Variants in RNF169 observed in about 807,000 individuals in gnomAD.
The protein encoded by RNF169 is E3 ubiquitin-protein ligase RNF169.
RNF169 carries 24 observed loss-of-function variants against 53.9 expected under a neutral mutation model. The observed-to-expected ratio is 0.45, with a 90% CI of 0.32 to 0.63. The LOEUF is 0.63. Ranked by LOEUF, RNF169 falls within the 20% of genes least tolerant of loss-of-function variation. RNF169 has a pLI of 0.04. For synonymous variants in RNF169, 396 were observed against 363.5 expected (o/e 1.09, Z -1.02); for missense variants, 883 against 906.2 (o/e 0.97, Z 0.33).
Position 74,836,707 on chromosome 11 carries a change from A to C in RNF169, c.2104A>C (p.Ser702Arg), listed in dbSNP as rs2036263235. ...GSVDQYLLRS[S>R]NMAGAK ...TGTGGATCAGTATCTCCTACGGTCC[A>C]GCAACATGGCCGGGGCCAAGTAGCA... Residue 702 changes from serine (S) to arginine (R), a missense_variant, in exon 6 of 6, where the codon AGC (serine) becomes CGC (arginine). By Grantham distance (110) the Ser-to-Arg change is moderately radical. Around this residue, in one of 3 missense-constraint regions of RNF169, gnomAD observed 351 missense variants for 337.3 expected, o/e 1.04. Coordinates refer to ENST00000299563, the MANE Select transcript of RNF169 (RefSeq NM_001098638.2). 6.2e-7 allele frequency: 1 copy of C among 1,611,026 alleles called. No individual in the cohort carries two copies. Among genetic ancestry groups the C allele is most frequent in the Non-Finnish European group, 8.5e-7 (1 of 1,179,304 alleles).
At chr11:74,816,838 T>C (rs1297587301) in intron 3 of RNF169, among the ~76,000 whole-genome samples, 1 of 152,138 alleles carries the variant, frequency 6.6e-6, no homozygotes, top group Non-Finnish European at 1.5e-5. Context: ...TTTGTGAAGG[T>C]TGTAGTATCA....
At chr11:74,805,882 A>G (rs1280089543) in intron 2 of RNF169, among the ~76,000 whole-genome samples, 1 of 152,050 alleles carries the variant, frequency 6.6e-6, no homozygotes, top group Non-Finnish European at 1.5e-5. Context: ...CAGGTTTTGC[A>G]GGGCCTACTC....
At chr11:74,785,250 GTTAGATATATATGTTATATATA>G (rs1273286492) in intron 1 of RNF169, among the ~76,000 whole-genome samples, 46 of 72,052 alleles carry the variant, frequency 6.4e-4, no homozygotes, top group East Asian at 1.9e-3. Context: ...TGTTATATAT[GTTAGATATATATGTTATATATA>G]TTAGATATAT....
At chr11:74,812,283 A>G (rs1287506633) in intron 3 of RNF169, among the ~76,000 whole-genome samples, 2 of 151,732 alleles carry the variant, frequency 1.3e-5, no homozygotes, top group East Asian at 1.9e-4. Flanking sequence ...GTTTTCTTAT[A>G]TAGTTTTTTT....
At chr11:74,790,610 C>A (rs549587299) in intron 2 of RNF169, among the ~76,000 whole-genome samples, 20 of 152,278 alleles carry the variant, frequency 1.3e-4, no homozygotes, top group African/African-American at 4.3e-4. Flanking sequence ...CTCACACCTG[C>A]TAAAGGCGAG....
intron 1 of RNF169, among the ~76,000 whole-genome samples, chr11:74,777,309 AATT>A (rs1484524735): frequency 6.6e-6 from 1 of 152,182 alleles, no homozygotes; most frequent in Non-Finnish European, 1.5e-5. Context: ...TAACAGGAAT[AATT>A]CTTTGCCTCA....
intron 4 of RNF169, among the ~76,000 whole-genome samples, chr11:74,818,368 C>G (rs2035966349): frequency 6.6e-6 from 1 of 152,132 alleles, no homozygotes; most frequent in Admixed American, 6.5e-5. Context: ...ACATGCCGTG[C>G]TCTGTTTTAA....
rs1280970912 is a variant in RNF169, at chr11:74,840,845, G to T, written c.*4115G>T. The T allele has an allele frequency of 1.5e-5, 2 of 132,342 alleles. No homozygotes were observed. The highest frequency in any genetic ancestry group is 2.9e-5 in the African/African-American group (1 of 34,468). 8.2% of individuals were successfully genotyped at this position (132,342 alleles called of 1,614,324 possible). On this transcript the variant is annotated 3_prime_UTR_variant, in exon 6 of 6. Transcript: ENST00000299563. ...TTGTGATCCAGTGCCCTATTTTATA[G>T]TGTGGTTTTCCAGGGTCTGAATAAA... is the stretch of plus-strand genomic sequence containing the variant.
chr11:74,829,625 A>C (rs919461314), intron 4 of RNF169, among the ~76,000 whole-genome samples: 1 of 152,244 alleles, frequency 6.6e-6, no homozygotes, highest in Admixed American at 6.5e-5. Flanking sequence ...GAATAAAGAA[A>C]ATGTGGTACG....
At chr11:74,819,992 A>G (rs1171053622) in intron 4 of RNF169, among the ~76,000 whole-genome samples, 1 of 152,162 alleles carries the variant, frequency 6.6e-6, no homozygotes, top group African/African-American at 2.4e-5. Context: ...CAGTGTATGT[A>G]TAAGGACAGA....
At chr11:74,749,635 A>G (rs984405497) in intron 1 of RNF169, among the ~76,000 whole-genome samples, 5 of 152,112 alleles carry the variant, frequency 3.3e-5, no homozygotes, top group African/African-American at 1.2e-4. Flanking sequence ...TTTGGAGGGA[A>G]ACAGAATTGT....
At chr11:74,781,542 T>G (rs917404244) in intron 1 of RNF169, among the ~76,000 whole-genome samples, 10 of 152,248 alleles carry the variant, frequency 6.6e-5, no homozygotes, top group African/African-American at 2.4e-4. Context: ...GCAGTGAACA[T>G]TCTTGTATGT....
At chr11:74,774,220 C>T (rs1283836633) in intron 1 of RNF169, among the ~76,000 whole-genome samples, 1 of 151,926 alleles carries the variant, frequency 6.6e-6, no homozygotes, top group East Asian at 1.9e-4. Flanking sequence ...GTGGCACATG[C>T]CTGTAATCCC....
intron 1 of RNF169, among the ~76,000 whole-genome samples, chr11:74,754,602 G>C (rs555889572): frequency 7.2e-5 from 11 of 152,282 alleles, no homozygotes; most frequent in African/African-American, 1.4e-4. Flanking sequence ...GGGCGGATCA[G>C]TTGTGGCCAG....
chr11:74,753,683 T>C (rs1033057600), intron 1 of RNF169, among the ~76,000 whole-genome samples: 3 of 152,218 alleles, frequency 2.0e-5, no homozygotes, highest in African/African-American at 4.8e-5. Flanking sequence ...AAATGAAATT[T>C]TGTAGTAAAT....
intron 4 of RNF169, among the ~76,000 whole-genome samples, chr11:74,823,383 A>T (rs1227439495): frequency 6.6e-6 from 1 of 152,194 alleles, no homozygotes; most frequent in African/African-American, 2.4e-5. Flanking sequence ...CATCAACTTT[A>T]TTGGAACTCT....
chr11:74,756,162 G>A (rs2034979886), intron 1 of RNF169, among the ~76,000 whole-genome samples: 1 of 152,138 alleles, frequency 6.6e-6, no homozygotes. Context: ...GCTAGGTCTA[G>A]GCACTAGAGC....
chr11:74,820,531 A>G (rs374017280), intron 4 of RNF169, among the ~76,000 whole-genome samples: 5 of 152,050 alleles, frequency 3.3e-5, no homozygotes, highest in African/African-American at 1.2e-4. Flanking sequence ...ATAGTCAAAC[A>G]GTGGCTTGAG....
intron 1 of RNF169, among the ~76,000 whole-genome samples, chr11:74,782,289 GTAGGCAGAT>G (rs2035426845): frequency 6.6e-6 from 1 of 152,112 alleles, no homozygotes; most frequent in South Asian, 2.1e-4. Flanking sequence ...AGATGAAGAG[GTAGGCAGAT>G]CCACGTCATA....
Sources: gnomAD v4.1 joint callset for allele counts (sites outside exome capture counted in the v4.1 genomes callset) on GRCh38, gnomAD v4.1.1 for gene constraint, gnomAD v4.1.1 regional missense constraint, MANE v1.5 for transcripts, NCBI Gene and HGNC (gene_info 2026-07-23, HGNC 2026-07-21) for gene names.